PHF3: variants seen among roughly 807,000 people sequenced by gnomAD.
The protein encoded by PHF3 is PHD finger protein 3.
In PHF3, 41 loss-of-function variants were observed where a neutral mutation model predicts 178.4. That is an observed-to-expected ratio of 0.23 (90% CI 0.18 to 0.30). PHF3 has a LOEUF of 0.30. Among genes scored for constraint, PHF3 ranks in the 10% least tolerant of loss-of-function variants. The probability of loss-of-function intolerance (pLI) is 1.00; values close to 1 mark genes in which losing one functional copy is unlikely to be tolerated. For synonymous variants in PHF3, 842 were observed against 800.5 expected, an observed-to-expected ratio of 1.05 and a Z score of -0.88; for missense variants, 2,346 against 2,398.1, an observed-to-expected ratio of 0.98 and a Z score of 0.45.
rs1768082627 is a variant in PHF3 at position 63,713,775 on chromosome 6, A to G, written c.*67A>G. On this transcript the variant is annotated 3_prime_UTR_variant, in exon 16 of 16. Transcript: ENST00000262043. ...AAATGTTGTATCTTGTAAACAAAAG[A>G]AAGATTGCCTGCTAGGATTGTGCCA... 7.7e-7 allele frequency: 1 copy of G among 1,295,678 alleles called. No individual in the cohort carries two copies. Among genetic ancestry groups the G allele is most frequent in the African/African-American group, 1.5e-5 (1 of 66,440 alleles). 80.3% of individuals were successfully genotyped at this position (1,295,678 alleles called of 1,614,324 possible). A position where few individuals can be genotyped will look rare whatever the true frequency, so the allele number is the denominator to read the frequency against.
At position 63,717,271 on chromosome 6, in the gene PHF3, T is replaced by A. The variant is rs535510545; in HGVS notation, c.*3563T>A. Among the ~76,000 whole-genome samples the A allele has an allele frequency of 1.1e-4, 17 of 152,154 alleles. No individual in the cohort carries two copies. The South Asian group carries it at 3.1e-3, about 28-fold the overall frequency. ...TGTTTTTAAAGTTTATGAACCAAAC[T>A]TAAATGCATTATGAGAGCTTGATAA... On this transcript the variant is annotated 3_prime_UTR_variant, in exon 16 of 16. Transcript: ENST00000262043.
chr6:63,706,243 A>T lies in PHF3; in HGVS notation c.3563+19A>T. 6.4e-7 allele frequency: 1 copy of T among 1,574,502 alleles called. No individual in the cohort carries two copies. Among genetic ancestry groups the T allele is most frequent in the African/African-American group, 1.4e-5 (1 of 73,586 alleles). On this transcript the variant is annotated intron_variant, in intron 12 of 15. Transcript: ENST00000262043. ...CTCCACGGTAATTTTCTCTGTTGTA[A>T]ATTCTGTAATACTCATTATAGATCT...
chr6:63,641,521 GGTGTGTATGTGTGT>G (rs1175983319), intron 1 of PHF3, among the ~76,000 whole-genome samples: 33 of 128,402 alleles, frequency 2.6e-4, no homozygotes, highest in African/African-American at 9.0e-4. Context: ...TTTATTGTTA[GGTGTGTATGTGTGT>G]GTGTGTGTGT....
chr6:63,686,050 CTT>C, intron 4 of PHF3, 139 bp downstream of exon 4: 1 of 599,526 alleles, frequency 1.7e-6, no homozygotes, highest in East Asian at 2.8e-5. Flanking sequence ...CTTCATCAGT[CTT>C]GGATAAATGA....
intron 2 of PHF3, among the ~76,000 whole-genome samples, chr6:63,669,627 T>C (rs962855411): frequency 1.3e-5 from 2 of 152,206 alleles, no homozygotes; most frequent in African/African-American, 4.8e-5. Context: ...ATAAACCATA[T>C]TAAAGTAGTT....
chr6:63,691,822 G>A lies in PHF3; in HGVS notation c.2275G>A (p.Glu759Lys), dbSNP rs149118619. Residue 759 changes from glutamate (E) to lysine (K), a missense_variant, in exon 5 of 16, where the codon GAG becomes AAG. Transcript: ENST00000262043. ...TCTTTCTCAAGCACAGCAGATGGGC[G>A]AGGAAGACAAAGAATATGTCTGTGT... ...LSLSQAQQMG[E>K]EDKEYVCVKC... is the part of the protein sequence containing the mutation. 31 of 1,613,566 alleles carry A rather than the reference G, an allele frequency of 1.9e-5. No homozygotes were observed. The African/African-American group carries it at 3.6e-4, about 19-fold the overall frequency.
At position 63,685,579 on chromosome 6, in the gene PHF3, A is replaced by G. The variant is rs773783701; in HGVS notation, c.1857A>G (p.Val619=). Reference sequence around the variant, plus strand: ...ATCATCCTGCACAAACTGGACATGTATCACATTCTAGCCAGAAACAGTGTC... The same window carrying G: ...ATCATCCTGCACAAACTGGACATGTGTCACATTCTAGCCAGAAACAGTGTC... The part of the protein sequence containing the change: ...EPHHPAQTGH[V]SHSSQKQCHK... Residue 619 remains valine (V), a synonymous_variant, in exon 4 of 16, where the codon GTA becomes GTG. Transcript: ENST00000262043. The G allele has an allele frequency of 1.2e-6, 2 of 1,614,170 alleles. No individual in the cohort carries two copies. Among genetic ancestry groups the G allele is most frequent in the African/African-American group, 1.3e-5 (1 of 75,052 alleles).
chr6:63,667,654 G>C (rs1765737256), intron 2 of PHF3, among the ~76,000 whole-genome samples: 1 of 152,176 alleles, frequency 6.6e-6, no homozygotes, highest in Non-Finnish European at 1.5e-5. Context: ...GTTCAACTCA[G>C]GTTGTAATCA....
chr6:63,647,576 C>G (rs1229210579), intron 2 of PHF3, among the ~76,000 whole-genome samples: 1 of 152,026 alleles, frequency 6.6e-6, no homozygotes, highest in Non-Finnish European at 1.5e-5. Flanking sequence ...AAAGTGACTA[C>G]TTGAAAATTC....
intron 1 of PHF3, among the ~76,000 whole-genome samples, chr6:63,643,627 A>T (rs905792290): frequency 1.3e-5 from 2 of 152,184 alleles, no homozygotes; most frequent in African/African-American, 4.8e-5. Flanking sequence ...TAAACATTTG[A>T]TGAATAAATA....
rs568600151 is a variant in PHF3 at position 63,664,114 on chromosome 6, G to T, written c.245-15886G>T. Among the ~76,000 whole-genome samples, 4 of 152,298 alleles carry T rather than the reference G, an allele frequency of 2.6e-5. No homozygotes were observed. In the South Asian group the frequency reaches 8.3e-4, roughly 32 times the overall value. On this transcript the variant is annotated intron_variant, in intron 2 of 15. Coordinates refer to ENST00000262043, the MANE Select transcript of PHF3 (RefSeq NM_001370348.2). ...AATGGTTATTGGGCAACAGCTAGCA[G>T]TTTCAAGTACAATTTCTATAGTTCA...
chr6:63,686,196 C>T (rs946173779), intron 4 of PHF3: 1 of 334,442 alleles, frequency 3.0e-6, no homozygotes, highest in Non-Finnish European at 5.4e-6. Flanking sequence ...TTAGCCACTG[C>T]ATCTGCAAAA....
chr6:63,690,555 C>T (rs1248704430), intron 4 of PHF3, among the ~76,000 whole-genome samples: 3 of 152,086 alleles, frequency 2.0e-5, no homozygotes, highest in African/African-American at 7.2e-5. Flanking sequence ...CAGTGTGTTA[C>T]CTTCAATATC....
chr6:63,679,311 A>AT (rs1766321985), intron 2 of PHF3, among the ~76,000 whole-genome samples: 1 of 152,076 alleles, frequency 6.6e-6, no homozygotes, highest in South Asian at 2.1e-4. Context: ...GTCTTTTTAC[A>AT]TTCTTTCTCC....
At chr6:63,670,987 A>G (rs58429651) in intron 2 of PHF3, among the ~76,000 whole-genome samples, 52,815 of 151,888 alleles carry the variant, frequency 0.35, 9,306 homozygotes, top group African/African-American at 0.4. Flanking sequence ...TTTTTTTCAT[A>G]TATTTGAGTA....
chr6:63,646,853 T>C, intron 2 of PHF3, 58 bp downstream of exon 2: 2 of 1,210,162 alleles, frequency 1.7e-6, no homozygotes, highest in Non-Finnish European at 2.1e-6. Flanking sequence ...AATAAAAAAA[T>C]TTTCAGCAGC....
At chr6:63,673,882 T>C (rs990670571) in intron 2 of PHF3, among the ~76,000 whole-genome samples, 6 of 152,196 alleles carry the variant, frequency 3.9e-5, no homozygotes, top group African/African-American at 1.4e-4. Flanking sequence ...GTATTTCACC[T>C]TATCTGTCTT....
Position 63,646,551 on chromosome 6 carries a change from C to A in PHF3, c.-1C>A. On this transcript the variant is annotated 5_prime_UTR_variant, in exon 2 of 16. Transcript: ENST00000262043. The stretch of plus-strand genomic sequence containing the variant: ...GGGCTGAAAGACACACAGAAGTCTT[C>A]ATGGATATAGTTGATACATTTAATC... 6.2e-7 allele frequency: 1 copy of A among 1,606,924 alleles called. No homozygotes were observed. Among genetic ancestry groups the A allele is most frequent in the South Asian group, 1.1e-5 (1 of 90,502 alleles).
chr6:63,701,520 C>T (rs919569058), intron 9 of PHF3, among the ~76,000 whole-genome samples: 2 of 152,142 alleles, frequency 1.3e-5, no homozygotes, highest in Non-Finnish European at 1.5e-5. Flanking sequence ...GAATGTTAGC[C>T]CCTTATTCTA....
Sources: gnomAD v4.1 joint callset for allele counts (sites outside exome capture counted in the v4.1 genomes callset) on GRCh38, gnomAD v4.1.1 for gene constraint, MANE v1.5 for transcripts, NCBI Gene and HGNC (gene_info 2026-07-23, HGNC 2026-07-21) for gene names.